The following CNTN3 variants were observed in gnomAD, a reference collection of about 807,000 sequenced individuals.
The protein encoded by CNTN3 is contactin 3, also known as contactin-3.
A neutral mutation model predicts 119.1 loss-of-function variants in CNTN3; 60 were observed. That is an observed-to-expected ratio of 0.50 (90% confidence interval 0.41 to 0.62). CNTN3 has a LOEUF of 0.62. Among genes scored for constraint, CNTN3 ranks in the 20% least tolerant of loss-of-function variants. The pLI is 0.00. For missense variants in CNTN3, 1,101 were observed against 1,242.4 expected (o/e 0.89, Z 1.71); for synonymous variants, 450 against 438.7 (o/e 1.03, Z -0.32).
chr3:74,345,077 A>G (rs1223190367), intron 11 of CNTN3, among the ~76,000 whole-genome samples: 1 of 152,160 alleles, frequency 6.6e-6, no homozygotes, highest in Admixed American at 6.5e-5. Flanking sequence ...ATTTTCTTTT[A>G]TGATGACTGT....
chr3:74,453,726 C>T (rs551320845), intron 4 of CNTN3, among the ~76,000 whole-genome samples: 1 of 150,572 alleles, frequency 6.6e-6, no homozygotes, highest in East Asian at 2.0e-4. Flanking sequence ...TCTTTGTTCT[C>T]GTTGGTTTCA....
chr3:74,360,352 A>G (rs1704049019), intron 11 of CNTN3, among the ~76,000 whole-genome samples: 1 of 152,172 alleles, frequency 6.6e-6, no homozygotes, highest in Admixed American at 6.5e-5. Flanking sequence ...CTCCCTGTAC[A>G]AAATGTGGCA....
At chr3:74,311,264 A>G (rs1452617526) in intron 13 of CNTN3, among the ~76,000 whole-genome samples, 1 of 152,138 alleles carries the variant, frequency 6.6e-6, no homozygotes, top group Non-Finnish European at 1.5e-5. Flanking sequence ...TTCTCTTGAT[A>G]CTTCAGAAGT....
intron 3 of CNTN3, among the ~76,000 whole-genome samples, chr3:74,494,495 T>C (rs976113490): frequency 2.0e-5 from 3 of 152,092 alleles, no homozygotes; most frequent in African/African-American, 7.2e-5. Flanking sequence ...AGTTGACATT[T>C]TGCAGAAGAA....
intron 1 of CNTN3, among the ~76,000 whole-genome samples, chr3:74,563,290 T>C (rs1704179865): frequency 6.6e-6 from 1 of 152,142 alleles, no homozygotes; most frequent in Admixed American, 6.6e-5. Flanking sequence ...AATGCTACAT[T>C]AGCTCTTCGC....
chr3:74,569,322 TG>T (rs1381577349), intron 1 of CNTN3, among the ~76,000 whole-genome samples: 1 of 152,122 alleles, frequency 6.6e-6, no homozygotes, highest in African/African-American at 2.4e-5. Context: ...TGTGGGAGGA[TG>T]AAAGCCAGCT....
rs552459788 is a variant in CNTN3 at position 74,274,692 on chromosome 3, C to T, written c.2705-7314G>A. Among the ~76,000 whole-genome samples, 3 of 152,236 alleles carry T rather than the reference C, an allele frequency of 2.0e-5. No individual in the cohort carries two copies. The East Asian group carries it at 5.8e-4, about 30-fold the overall frequency. On this transcript the variant is annotated intron_variant, in intron 20 of 22. Coordinates refer to ENST00000263665, the MANE Select transcript of CNTN3 (RefSeq NM_020872.3). ...TACACCTTCCCTCTGACAGAGCCTA[C>T]CCAAATGAGGAGGAATCAGAAAAAC...
chr3:74,357,676 C>T (rs893538359), intron 11 of CNTN3, among the ~76,000 whole-genome samples: 2 of 152,132 alleles, frequency 1.3e-5, no homozygotes. Flanking sequence ...TTGGCTTAAT[C>T]AAAATGTATT....
intron 1 of CNTN3, among the ~76,000 whole-genome samples, chr3:74,561,899 TC>T (rs1415222510): frequency 1.3e-5 from 2 of 152,180 alleles, no homozygotes; most frequent in African/African-American, 4.8e-5. Context: ...CATAATCATG[TC>T]TTTTAATTAA....
intron 1 of CNTN3, among the ~76,000 whole-genome samples, chr3:74,532,844 GA>G (rs1369590503): frequency 6.6e-6 from 1 of 152,028 alleles, no homozygotes; most frequent in Non-Finnish European, 1.5e-5. Context: ...CATAAAGTGA[GA>G]AGGAAAATTC....
intron 2 of CNTN3, among the ~76,000 whole-genome samples, chr3:74,504,465 CT>C (rs932898824): frequency 6.6e-6 from 1 of 152,022 alleles, no homozygotes; most frequent in Non-Finnish European, 1.5e-5. Context: ...AAGATGGAAA[CT>C]TTTTTTAGAA....
At chr3:74,340,392 G>C (rs1310611865) in intron 11 of CNTN3, among the ~76,000 whole-genome samples, 1 of 152,078 alleles carries the variant, frequency 6.6e-6, no homozygotes, top group African/African-American at 2.4e-5. Context: ...GAGAGGGAGA[G>C]ACTGAAGATA....
chr3:74,264,808 C>T (rs1701637011), intron 22 of CNTN3, among the ~76,000 whole-genome samples: 1 of 152,114 alleles, frequency 6.6e-6, no homozygotes, highest in African/African-American at 2.4e-5. Flanking sequence ...GGCAATACCT[C>T]TCCTATCAAA....
intron 4 of CNTN3, among the ~76,000 whole-genome samples, chr3:74,436,206 T>A (rs557575865): frequency 6.6e-6 from 1 of 152,344 alleles, no homozygotes; most frequent in South Asian, 2.1e-4. Flanking sequence ...AACTTACATT[T>A]ACTAATAATC....
intron 4 of CNTN3, among the ~76,000 whole-genome samples, chr3:74,469,659 G>A (rs778441386): frequency 3.3e-5 from 5 of 152,106 alleles, no homozygotes; most frequent in East Asian, 1.9e-4. Flanking sequence ...ATACCCCTTC[G>A]TACCCACTAG....
At chr3:74,458,865 G>A (rs112026830) in intron 4 of CNTN3, among the ~76,000 whole-genome samples, 1,533 of 152,038 alleles carry the variant, frequency 0.01, 23 homozygotes, top group African/African-American at 0.035. Context: ...TGGTCTGTTC[G>A]GTTCCAAAGC....
chr3:74,432,418 A>G (rs1044380584), intron 4 of CNTN3, among the ~76,000 whole-genome samples: 4 of 152,148 alleles, frequency 2.6e-5, no homozygotes, highest in African/African-American at 7.2e-5. Flanking sequence ...AAAAAATCTC[A>G]TAATGTTTTA....
intron 4 of CNTN3, among the ~76,000 whole-genome samples, chr3:74,465,413 A>T (rs558472094): frequency 1.3e-5 from 2 of 152,282 alleles, no homozygotes; most frequent in South Asian, 4.1e-4. Context: ...AAACAAATAA[A>T]CAAAAAACCT....
chr3:74,312,832 G>T (rs972611154), intron 13 of CNTN3, among the ~76,000 whole-genome samples: 1 of 152,130 alleles, frequency 6.6e-6, no homozygotes, highest in Admixed American at 6.5e-5. Flanking sequence ...GACTGAACAA[G>T]CATCAGAACA....
Sources: gnomAD v4.1 joint callset for allele counts (sites outside exome capture counted in the v4.1 genomes callset) on GRCh38, gnomAD v4.1.1 for gene constraint, MANE v1.5 for transcripts, NCBI Gene and HGNC (gene_info 2026-07-23, HGNC 2026-07-21) for gene names.